Variants in UBE2E2 observed in about 807,000 individuals in gnomAD.
UBE2E2 encodes the protein ubiquitin conjugating enzyme E2 E2.
In UBE2E2, 6 loss-of-function variants were observed where a neutral mutation model predicts 24.7. The ratio of observed to expected loss-of-function variants is 0.24; its 90% CI spans 0.13 to 0.48. The LOEUF (loss-of-function observed/expected upper bound fraction) is 0.48. UBE2E2 is among the 20% of genes least tolerant of loss of function. UBE2E2 has a pLI of 0.99. For missense variants in UBE2E2, 169 were observed against 245.0 expected (o/e 0.69, Z 2.07); for synonymous variants, 104 against 83.6 (o/e 1.24, Z -1.33).
intron 3 of UBE2E2, among the ~76,000 whole-genome samples, chr3:23,267,855 C>T (rs1170400003): frequency 6.7e-6 from 1 of 149,026 alleles, no homozygotes; most frequent in African/African-American, 2.5e-5. Flanking sequence ...AGCTTATCCA[C>T]CATGATCAAG....
chr3:23,457,774 T>C (rs1470008433), intron 3 of UBE2E2, among the ~76,000 whole-genome samples: 1 of 152,208 alleles, frequency 6.6e-6, no homozygotes, highest in Non-Finnish European at 1.5e-5. Context: ...GAAGACTGCT[T>C]TTTCCTTTGT....
rs1696217145 is a variant in UBE2E2 at position 23,571,280 on chromosome 3, C to CTCTTTTTTTTTTTTTTT, written c.509-18453_509-18452insCTTTTTTTTTTTTTTTT. On this transcript the variant is annotated intron_variant, in intron 5 of 5. Coordinates refer to ENST00000396703, the MANE Select transcript of UBE2E2 (RefSeq NM_152653.4). ...AGTCCCCTCACCTGTGTGCTCCTTT[C>CTCTTTTTTTTTTTTTTT]TTTTTTTTTTTTTTTTTTTTTTTTT... is the stretch of plus-strand genomic sequence containing the variant. Among the ~76,000 whole-genome samples, 100 of 29,882 alleles carry CTCTTTTTTTTTTTTTTT rather than the reference C, an allele frequency of 3.3e-3. 8 individuals carry two copies. Among genetic ancestry groups the CTCTTTTTTTTTTTTTTT allele is most frequent in the African/African-American group, 0.01 (98 of 9,722 alleles). The allele number at this position is 29,882 out of a possible 152,430, so 19.6% of individuals were successfully genotyped here. A position where few individuals can be genotyped will look rare whatever the true frequency, so the allele number is the denominator to read the frequency against.
At chr3:23,545,028 C>T (rs1470500442) in intron 5 of UBE2E2, among the ~76,000 whole-genome samples, 8 of 152,212 alleles carry the variant, frequency 5.3e-5, no homozygotes, top group Non-Finnish European at 1.0e-4. Context: ...TATTGCTGCC[C>T]GCATGTCCCA....
rs566929722 is a variant in UBE2E2 at position 23,470,951 on chromosome 3, C to T, written c.228-28657C>T. On this transcript the variant is annotated intron_variant, in intron 3 of 5. Transcript: ENST00000396703. ...GGATGACCCCTGGACAGTTATGTTC[C>T]GACACTTTTAACCATGTAACCCTTT... 2.0e-4 allele frequency among the ~76,000 whole-genome samples: 31 copies of T among 152,088 alleles called. No individual in the cohort carries two copies. In the South Asian group the frequency reaches 2.5e-3, roughly 12 times the overall value.
At chr3:23,242,811 C>T (rs1025495660) in intron 3 of UBE2E2, among the ~76,000 whole-genome samples, 3 of 152,084 alleles carry the variant, frequency 2.0e-5, no homozygotes, top group Non-Finnish European at 4.4e-5. Flanking sequence ...ATCGGCCAGG[C>T]GCAGTGGCTC....
chr3:23,310,313 T>TTA (rs67038620), intron 3 of UBE2E2, among the ~76,000 whole-genome samples: 6 of 151,662 alleles, frequency 4.0e-5, no homozygotes, highest in Non-Finnish European at 8.8e-5. Context: ...TTTTTTTTTT[T>TTA]TACAAAAATT....
chr3:23,352,616 A>C (rs1646093890), intron 3 of UBE2E2, among the ~76,000 whole-genome samples: 1 of 152,364 alleles, frequency 6.6e-6, no homozygotes, highest in Admixed American at 6.5e-5. Context: ...CTCTACGCAA[A>C]TAAACTAGAA....
At chr3:23,411,156 G>A (rs543308036) in intron 3 of UBE2E2, among the ~76,000 whole-genome samples, 2 of 152,086 alleles carry the variant, frequency 1.3e-5, no homozygotes, top group East Asian at 1.9e-4. Flanking sequence ...GGAAAAGCAG[G>A]ATTCAGGCAG....
At chr3:23,460,263 T>G (rs536966016) in intron 3 of UBE2E2, among the ~76,000 whole-genome samples, 1 of 152,294 alleles carries the variant, frequency 6.6e-6, no homozygotes, top group South Asian at 2.1e-4. Flanking sequence ...GAAGTTAAAT[T>G]CAGAAGACCT....
intron 3 of UBE2E2, among the ~76,000 whole-genome samples, chr3:23,361,642 A>C (rs373979120): frequency 6.6e-6 from 1 of 152,332 alleles, no homozygotes; most frequent in Middle Eastern, 3.4e-3. Context: ...ATGCAAAGGC[A>C]TAAGAGTGGT....
chr3:23,566,815 G>A (rs1389839550), intron 5 of UBE2E2, among the ~76,000 whole-genome samples: 1 of 152,058 alleles, frequency 6.6e-6, no homozygotes, highest in Admixed American at 6.6e-5. Flanking sequence ...GATTTGGAGG[G>A]GACAAATACC....
At chr3:23,415,380 A>G (rs549419603) in intron 3 of UBE2E2, among the ~76,000 whole-genome samples, 15 of 152,104 alleles carry the variant, frequency 9.9e-5, no homozygotes, top group Non-Finnish European at 1.5e-4. Context: ...TCAAATTGCA[A>G]CTCTGATCCA....
intron 3 of UBE2E2, among the ~76,000 whole-genome samples, chr3:23,473,570 A>G (rs1274346632): frequency 6.6e-6 from 1 of 151,970 alleles, no homozygotes; most frequent in African/African-American, 2.4e-5. Context: ...GTAGTCTCTT[A>G]TCTCTCACCC....
intron 3 of UBE2E2, among the ~76,000 whole-genome samples, chr3:23,489,029 T>A (rs375926554): frequency 6.6e-6 from 1 of 152,092 alleles, no homozygotes; most frequent in Non-Finnish European, 1.5e-5. Context: ...ACCTTTCTGG[T>A]TTTTTTACTT....
chr3:23,297,915 A>G (rs996494417), intron 3 of UBE2E2, among the ~76,000 whole-genome samples: 3 of 152,096 alleles, frequency 2.0e-5, no homozygotes, highest in Non-Finnish European at 2.9e-5. Flanking sequence ...CTTCCTACCC[A>G]TGAGTATGGA....
In UBE2E2 at chr3:23,407,639, ATGCGTGCATG is replaced by A. The variant is rs1697392927; in HGVS notation, c.228-91966_228-91957del. Among the ~76,000 whole-genome samples the A allele has an allele frequency of 6.9e-6, 1 of 144,022 alleles. No individual in the cohort carries two copies. The highest frequency in any genetic ancestry group is 1.5e-5 in the Non-Finnish European group (1 of 66,448). The allele number at this position is 144,022 out of a possible 152,430, so 94.5% of individuals were successfully genotyped here. A position where few individuals can be genotyped will look rare whatever the true frequency, so the allele number is the denominator to read the frequency against. On this transcript the variant is annotated intron_variant, in intron 3 of 5. Transcript: ENST00000396703. This position sits in a 1 kb window ranked among gnomAD's most constrained non-coding sequence, Gnocchi z 4.0. ...TGCATGTGTGTGTGTTTGTGTGTGC[ATGCGTGCATG>A]TGTGTGTGTGTGTGTGTGTGTGTGT...
At chr3:23,521,862 G>A (rs1694875179) in intron 4 of UBE2E2, among the ~76,000 whole-genome samples, 1 of 151,978 alleles carries the variant, frequency 6.6e-6, no homozygotes, top group African/African-American at 2.4e-5. Flanking sequence ...AAAGCTTTGG[G>A]TTCTGGTTTT....
chr3:23,308,740 A>T (rs1215538761), intron 3 of UBE2E2, among the ~76,000 whole-genome samples: 1 of 152,190 alleles, frequency 6.6e-6, no homozygotes, highest in Non-Finnish European at 1.5e-5. Context: ...GAATTGATTC[A>T]TGCTATTACA....
chr3:23,555,410 C>T (rs1248793535), intron 5 of UBE2E2, among the ~76,000 whole-genome samples: 1 of 152,194 alleles, frequency 6.6e-6, no homozygotes, highest in East Asian at 1.9e-4. Context: ...AGGGAAACCT[C>T]GTATACTCTT....
Sources: gnomAD v4.1 joint callset for allele counts (sites outside exome capture counted in the v4.1 genomes callset) on GRCh38, gnomAD v4.1.1 for gene constraint, Gnocchi (gnomAD v3.1) non-coding constraint, MANE v1.5 for transcripts, NCBI Gene and HGNC (gene_info 2026-07-23, HGNC 2026-07-21) for gene names.